Variants in FGF12 observed in about 807,000 individuals in gnomAD.
The protein encoded by FGF12 is fibroblast growth factor 12, also known as fibroblast growth factor 12B.
A neutral mutation model predicts 23.6 loss-of-function variants in FGF12; 14 were observed. The ratio of observed to expected loss-of-function variants is 0.59; its 90% CI spans 0.39 to 0.93. FGF12 has a LOEUF of 0.93. Ranked by LOEUF, FGF12 falls within the 40% of genes least tolerant of loss-of-function variation. The probability of loss-of-function intolerance (pLI) is 0.00; values close to 1 mark genes in which losing one functional copy is unlikely to be tolerated. For missense variants in FGF12, 175 were observed against 217.8 expected (o/e 0.80, Z 1.24); for synonymous variants, 62 against 77.3 (o/e 0.80, Z 1.04).
rs374756136 is a variant in FGF12 at position 192,143,945 on chromosome 3, A to T, written c.*64T>A. 6.9e-6 allele frequency: 7 copies of T among 1,016,294 alleles called. No individual in the cohort carries two copies. The allele number at this position is 1,016,294 out of a possible 1,614,324, so 63.0% of individuals were successfully genotyped here. On this transcript the variant is annotated 3_prime_UTR_variant, in exon 6 of 6. Transcript: ENST00000445105. The stretch of plus-strand genomic sequence containing the variant: ...CCTTGGGTGGATTTACTGGAAGGAA[A>T]TGGGTAAATGGGAAGGAAGGGAAGG...
In FGF12 at chr3:192,562,023, A is replaced by G. The variant is rs529396821; in HGVS notation, c.13+165158T>C. On this transcript the variant is annotated intron_variant, in intron 2 of 5. Coordinates refer to ENST00000445105, the MANE Select transcript of FGF12 (RefSeq NM_004113.6). ...TTCAAATGTCTACCAAAATAAAAAC[A>G]AATAAATACACCATGGAATACTTAG... Among the ~76,000 whole-genome samples the G allele has an allele frequency of 2.3e-3, 345 of 152,290 alleles. 3 individuals are homozygous for G. Among genetic ancestry groups the G allele is most frequent in the African/African-American group, 8.1e-3 (335 of 41,564 alleles).
At chr3:192,560,076 C>T (rs1711948920) in intron 2 of FGF12, among the ~76,000 whole-genome samples, 2 of 151,904 alleles carry the variant, frequency 1.3e-5, no homozygotes, top group African/African-American at 2.4e-5. Context: ...TTAAAATTCA[C>T]TAAGATGAAG....
At chr3:192,505,710 A>G (rs1183406903) in intron 2 of FGF12, among the ~76,000 whole-genome samples, 1 of 152,232 alleles carries the variant, frequency 6.6e-6, no homozygotes, top group African/African-American at 2.4e-5. Context: ...GTAAAAAGCT[A>G]GTCTTCCTTT....
Position 192,565,395 on chromosome 3 carries a change from T to A in FGF12, c.13+161786A>T, listed in dbSNP as rs556806981. ...CACTGATGTGAATTCGCTCATTTTA[T>A]CTGTGTCAGAAATAAAGTTACACAT... is the stretch of plus-strand genomic sequence containing the variant. On this transcript the variant is annotated intron_variant, in intron 2 of 5. Coordinates refer to ENST00000445105, the MANE Select transcript of FGF12 (RefSeq NM_004113.6). 3.9e-5 allele frequency among the ~76,000 whole-genome samples: 6 copies of A among 152,372 alleles called. No individual in the cohort carries two copies. In the South Asian group the frequency reaches 1.2e-3, roughly 32 times the overall value.
chr3:192,473,206 T>C (rs1009650866), intron 2 of FGF12, among the ~76,000 whole-genome samples: 4 of 152,316 alleles, frequency 2.6e-5, no homozygotes, highest in African/African-American at 7.2e-5. Context: ...TTGGAGCCAA[T>C]TGTAACTTAA....
At chr3:192,252,531 C>CAAGAA (rs1303957279) in intron 4 of FGF12, among the ~76,000 whole-genome samples, 7 of 96,450 alleles carry the variant, frequency 7.3e-5, no homozygotes, top group Admixed American at 3.0e-4. Flanking sequence ...CAAGAAAAGA[C>CAAGAA]AAGAAAAGAA....
intron 4 of FGF12, among the ~76,000 whole-genome samples, chr3:192,302,702 C>T (rs1715415169): frequency 6.6e-6 from 1 of 152,110 alleles, no homozygotes; most frequent in Non-Finnish European, 1.5e-5. Flanking sequence ...CCTGGACATA[C>T]AAAGGAAGAA....
At chr3:192,252,016 A>G (rs560294264) in intron 4 of FGF12, among the ~76,000 whole-genome samples, 1 of 152,284 alleles carries the variant, frequency 6.6e-6, no homozygotes, top group Admixed American at 6.5e-5. Flanking sequence ...GTATTTATAT[A>G]AGAACACCAA....
intron 2 of FGF12, among the ~76,000 whole-genome samples, chr3:192,597,653 T>A (rs1168238334): frequency 2.0e-5 from 3 of 152,068 alleles, no homozygotes; most frequent in African/African-American, 7.2e-5. Flanking sequence ...CTGTGTTGAC[T>A]GAGAAAGAGA....
At position 192,379,621 on chromosome 3, in the gene FGF12, G is replaced by A. The variant is rs148152822; in HGVS notation, c.14-19083C>T. ...TGACATCGAAATTTCACATATACGCGTGCACACACGCAATGCATTCGCACA... is the reference window on the plus strand; with the variant it reads ...TGACATCGAAATTTCACATATACGCATGCACACACGCAATGCATTCGCACA... On this transcript the variant is annotated intron_variant, in intron 2 of 5. Transcript: ENST00000445105. 6.0e-3 allele frequency among the ~76,000 whole-genome samples: 908 copies of A among 152,252 alleles called. 7 individuals carry two copies. Among genetic ancestry groups the A allele is most frequent in the Admixed American group, 0.014 (211 of 15,300 alleles).
intron 2 of FGF12, among the ~76,000 whole-genome samples, chr3:192,405,811 T>C (rs1720935395): frequency 6.6e-6 from 1 of 152,254 alleles, no homozygotes; most frequent in Non-Finnish European, 1.5e-5. Flanking sequence ...AACAGATTAA[T>C]TATTTGGCTT....
chr3:192,645,191 A>C (rs1715957441), intron 2 of FGF12, among the ~76,000 whole-genome samples: 1 of 152,140 alleles, frequency 6.6e-6, no homozygotes, highest in South Asian at 2.1e-4. Context: ...GTAACAAAGC[A>C]GTTGACATGG....
chr3:192,377,348 T>G (rs541841632), intron 2 of FGF12, among the ~76,000 whole-genome samples: 4 of 152,314 alleles, frequency 2.6e-5, no homozygotes. Context: ...GAAACTCAGT[T>G]CCTGCTCATC....
chr3:192,208,962 AAACTGAC>A (rs1339317373), intron 4 of FGF12, among the ~76,000 whole-genome samples: 1 of 152,236 alleles, frequency 6.6e-6, no homozygotes, highest in Non-Finnish European at 1.5e-5. Context: ...CATGTGGCAG[AAACTGAC>A]AACTGTCTTT....
rs190271376 is a variant in FGF12 at position 192,670,920 on chromosome 3, T to C, written c.13+56261A>G. On this transcript the variant is annotated intron_variant, in intron 2 of 5. Transcript: ENST00000445105. The stretch of plus-strand genomic sequence containing the variant: ...AGATGTTTTCCAGGTACAGTGAAGA[T>C]AGATAAAATGGGAGAGCGATCTGGG... Among the ~76,000 whole-genome samples, 100 of 152,278 alleles carry C rather than the reference T, an allele frequency of 6.6e-4. 1 individual carries two copies. The East Asian group carries it at 0.012, about 19-fold the overall frequency.
At chr3:192,435,271 T>A (rs58293081) in intron 2 of FGF12, among the ~76,000 whole-genome samples, 3,689 of 152,182 alleles carry the variant, frequency 0.024, 111 homozygotes, top group African/African-American at 0.077. Context: ...TAGTTTTTTT[T>A]AAAAAAACTT....
chr3:192,158,570 TTC>T (rs139492402), intron 5 of FGF12, among the ~76,000 whole-genome samples: 4,880 of 124,594 alleles, frequency 0.039, 363 homozygotes, highest in African/African-American at 0.15. Flanking sequence ...CTCCCTTTCT[TTC>T]TCTTTCTTTC....
At chr3:192,574,110 A>G (rs1712773381) in intron 2 of FGF12, among the ~76,000 whole-genome samples, 1 of 152,236 alleles carries the variant, frequency 6.6e-6, no homozygotes, top group African/African-American at 2.4e-5. Flanking sequence ...AAGGGATCAC[A>G]TACAGGACTC....
chr3:192,488,522 A>G (rs1244373427), intron 2 of FGF12, among the ~76,000 whole-genome samples: 1 of 152,130 alleles, frequency 6.6e-6, no homozygotes, highest in African/African-American at 2.4e-5. Flanking sequence ...CCACATTGGA[A>G]ATGACATAGT....
Sources: allele counts gnomAD v4.1 joint callset (sites outside exome capture counted in the v4.1 genomes callset), GRCh38; gene constraint gnomAD v4.1.1; transcripts MANE v1.5; gene names NCBI Gene and HGNC (gene_info 2026-07-23, HGNC 2026-07-21).